SLC12A6: variants seen among roughly 807,000 people sequenced by gnomAD.
The protein encoded by SLC12A6 is K-Cl cotransporter 3.
A neutral mutation model predicts 135.3 loss-of-function variants in SLC12A6; 66 were observed. The observed-to-expected ratio is 0.49, with a 90% CI of 0.40 to 0.60. The LOEUF is 0.60. Among genes scored for constraint, SLC12A6 ranks in the 20% least tolerant of loss-of-function variants. SLC12A6 has a pLI of 0.00. For missense variants in SLC12A6, 1,058 were observed against 1,452.3 expected (o/e 0.73, Z 4.41); for synonymous variants, 513 against 508.8 (o/e 1.01, Z -0.11).
chr15:34,284,619 T>C (rs1894923780), intron 2 of SLC12A6, among the ~76,000 whole-genome samples: 1 of 152,156 alleles, frequency 6.6e-6, no homozygotes, highest in Non-Finnish European at 1.5e-5. Context: ...ATTCAGTAAA[T>C]ATTTTCTGAG....
intron 2 of SLC12A6, among the ~76,000 whole-genome samples, chr15:34,298,097 T>C (rs192627939): frequency 1.2e-4 from 18 of 152,210 alleles, no homozygotes; most frequent in African/African-American, 3.4e-4. Context: ...ACAGTGACCA[T>C]TTGCTCTCAA....
chr15:34,334,722 C>G (rs1420731741), intron 2 of SLC12A6, among the ~76,000 whole-genome samples: 1 of 152,124 alleles, frequency 6.6e-6, no homozygotes, highest in Non-Finnish European at 1.5e-5. Context: ...ATATAGAGAA[C>G]CAAGCTTTTA....
chr15:34,299,461 T>C (rs1188665362), intron 2 of SLC12A6: 1 of 152,228 alleles, frequency 6.6e-6, no homozygotes, highest in Non-Finnish European at 1.5e-5. Context: ...GCACAGCAGC[T>C]ACCCCTAAGG....
At chr15:34,252,034 G>T in intron 10 of SLC12A6, 136 bp downstream of exon 10, 1 of 657,118 alleles carries the variant, frequency 1.5e-6, no homozygotes, top group Non-Finnish European at 2.7e-6. Context: ...GGTGAATTAA[G>T]AGCTGTGTGG....
chr15:34,266,008 C>CT (rs34173980), intron 3 of SLC12A6, among the ~76,000 whole-genome samples: 8,392 of 102,228 alleles, frequency 0.082, 371 homozygotes, highest in East Asian at 0.11. Context: ...ATACAGAAAG[C>CT]TTTTTTTTTT....
intron 25 of SLC12A6, among the ~76,000 whole-genome samples, chr15:34,234,970 C>T (rs1891157364): frequency 6.6e-6 from 1 of 152,180 alleles, no homozygotes; most frequent in East Asian, 1.9e-4. Context: ...AATACACCAC[C>T]TAAAACTAGA....
chr15:34,285,207 A>G (rs989814873), intron 2 of SLC12A6, among the ~76,000 whole-genome samples: 1 of 152,210 alleles, frequency 6.6e-6, no homozygotes, highest in Non-Finnish European at 1.5e-5. Context: ...AAATAAACAG[A>G]AAAAAGTTAG....
intron 2 of SLC12A6, among the ~76,000 whole-genome samples, chr15:34,320,573 A>T (rs1446517405): frequency 1.3e-5 from 2 of 152,038 alleles, no homozygotes; most frequent in African/African-American, 4.8e-5. Flanking sequence ...TTATGCTAGC[A>T]AGAATACTGG....
intron 3 of SLC12A6, among the ~76,000 whole-genome samples, chr15:34,267,826 C>T (rs1196383734): frequency 1.3e-5 from 2 of 152,150 alleles, no homozygotes; most frequent in East Asian, 1.9e-4. Flanking sequence ...CTTAGATTTT[C>T]TGCAGTTTCA....
chr15:34,308,233 C>CTGG (rs958891020), intron 2 of SLC12A6, among the ~76,000 whole-genome samples: 58 of 152,132 alleles, frequency 3.8e-4, no homozygotes, highest in African/African-American at 1.4e-3. Flanking sequence ...ATTAGTTAGA[C>CTGG]TGGTACAAGT....
chr15:34,257,633 A>G lies in SLC12A6; in HGVS notation c.690+9T>C, dbSNP rs1443157057. ...TCAGGTGATCTCTAGGAGCCAGTGC[A>G]GTACTTACACAGCAGCAGCAGATAA... On this transcript the variant is annotated intron_variant, in intron 6 of 25. Transcript: ENST00000354181. 1.2e-6 allele frequency: 2 copies of G among 1,611,792 alleles called. No homozygotes were observed. The highest frequency in any genetic ancestry group is 2.2e-5 in the East Asian group (1 of 44,870).
intron 2 of SLC12A6, among the ~76,000 whole-genome samples, chr15:34,327,778 A>C (rs1889572197): frequency 6.6e-6 from 1 of 152,186 alleles, no homozygotes; most frequent in Non-Finnish European, 1.5e-5. Context: ...TGTACATAAG[A>C]GTTTTTAACT....
chr15:34,299,925 T>C (rs1448025125), intron 2 of SLC12A6, among the ~76,000 whole-genome samples: 1 of 152,214 alleles, frequency 6.6e-6, no homozygotes, highest in East Asian at 1.9e-4. Context: ...CTGTAATGGA[T>C]GGCTTTAGGA....
intron 16 of SLC12A6, among the ~76,000 whole-genome samples, chr15:34,242,848 G>A (rs976988777): frequency 5.3e-5 from 8 of 152,026 alleles, no homozygotes; most frequent in Non-Finnish European, 1.0e-4. Flanking sequence ...GGCTAACACG[G>A]TGAAACCCTG....
Position 34,275,348 on chromosome 15 carries a change from A to T in SLC12A6, c.313T>A (p.Leu105Ile), listed in dbSNP as rs138484282. 1 of 1,500,254 alleles carries T rather than the reference A, an allele frequency of 6.7e-7. No homozygotes were observed. Among genetic ancestry groups the T allele is most frequent in the African/African-American group, 1.4e-5 (1 of 72,582 alleles). 92.9% of individuals were successfully genotyped at this position (1,500,254 alleles called of 1,614,324 possible). A position where few individuals can be genotyped will look rare whatever the true frequency, so the allele number is the denominator to read the frequency against. Reference protein sequence around the residue: ...NSITGEHSQLLDDGHKKARNA... With the variant: ...NSITGEHSQLIDDGHKKARNA... ...AATCCCCACAGTAATACTATACCTAACAGTTGGCTGTGTTCCCCTGTGATG... is the reference window on the plus strand; with the variant it reads ...AATCCCCACAGTAATACTATACCTATCAGTTGGCTGTGTTCCCCTGTGATG... Residue 105 changes from leucine to isoleucine, a missense_variant, in exon 3 of 26, where the codon TTA becomes ATA. Physicochemically the swap from Leu to Ile is conservative, Grantham distance 5 (BLOSUM62 2). Coordinates refer to ENST00000354181, the MANE Select transcript of SLC12A6 (RefSeq NM_001365088.1).
Position 34,337,708 on chromosome 15 carries a change from G to T in SLC12A6, c.-449C>A, listed in dbSNP as rs1434956065. 1 of 152,434 alleles carries T rather than the reference G, an allele frequency of 6.6e-6. No individual in the cohort carries two copies. The highest frequency in any genetic ancestry group is 1.5e-5 in the Non-Finnish European group (1 of 68,222). The allele number at this position is 152,434 out of a possible 1,614,324, so 9.4% of individuals were successfully genotyped here. On this transcript the variant is annotated 5_prime_UTR_variant, in exon 1 of 26. Transcript: ENST00000354181. ...ACTGGGCAGCAGGGTGAGGGAGAAG[G>T]AGGTCGCAGGTGCAGTATCCCGGCG...
intron 2 of SLC12A6, among the ~76,000 whole-genome samples, chr15:34,306,190 T>C (rs1333430631): frequency 1.3e-5 from 2 of 152,230 alleles, no homozygotes; most frequent in South Asian, 2.1e-4. Context: ...GATTTAGTTG[T>C]TGGAGGACCA....
At chr15:34,313,948 GAAA>G (rs539393779) in intron 2 of SLC12A6, among the ~76,000 whole-genome samples, 1 of 82,130 alleles carries the variant, frequency 1.2e-5, no homozygotes, top group Admixed American at 1.3e-4. Flanking sequence ...TCTTAAAAAC[GAAA>G]AAAAAAAAAA....
intron 3 of SLC12A6, among the ~76,000 whole-genome samples, chr15:34,262,053 T>C (rs1595454874): frequency 1.3e-5 from 2 of 152,234 alleles, no homozygotes; most frequent in East Asian, 3.8e-4. Flanking sequence ...TGCACTTGTA[T>C]GTTCATTACA....
Sources: gnomAD v4.1 joint callset for allele counts (sites outside exome capture counted in the v4.1 genomes callset) on GRCh38, gnomAD v4.1.1 for gene constraint, MANE v1.5 for transcripts, NCBI Gene and HGNC (gene_info 2026-07-23, HGNC 2026-07-21) for gene names.